The following TDRD3 variants were observed in gnomAD, a reference collection of about 807,000 sequenced individuals.
TDRD3 encodes the protein tudor domain-containing protein 3.
TDRD3 carries 45 observed loss-of-function variants against 86.7 expected under a neutral mutation model. The ratio of observed to expected loss-of-function variants is 0.52; its 90% CI spans 0.41 to 0.67. TDRD3 has a LOEUF of 0.67. Among genes scored for constraint, TDRD3 ranks in the 30% least tolerant of loss-of-function variants. The pLI is 0.00. For synonymous variants in TDRD3, 298 were observed against 301.7 expected (o/e 0.99, Z 0.13); for missense variants, 814 against 889.0 (o/e 0.92, Z 1.07).
intron 1 of TDRD3, among the ~76,000 whole-genome samples, chr13:60,430,408 T>C (rs1954924638): frequency 6.6e-6 from 1 of 152,142 alleles, no homozygotes; most frequent in Non-Finnish European, 1.5e-5. Context: ...TATGGTTTTA[T>C]AGCCACTACC....
intron 3 of TDRD3, among the ~76,000 whole-genome samples, chr13:60,450,665 G>A (rs918892294): frequency 2.6e-5 from 4 of 152,142 alleles, no homozygotes; most frequent in African/African-American, 9.7e-5. Flanking sequence ...GTCTGAATGT[G>A]TATTTGTGCC....
chr13:60,431,829 T>G (rs1225112585), intron 1 of TDRD3, among the ~76,000 whole-genome samples: 1 of 151,844 alleles, frequency 6.6e-6, no homozygotes, highest in Non-Finnish European at 1.5e-5. Context: ...AAATAAATCT[T>G]ATATTGAAAG....
chr13:60,487,685 C>T (rs1956476861), intron 7 of TDRD3, among the ~76,000 whole-genome samples: 1 of 152,092 alleles, frequency 6.6e-6, no homozygotes, highest in East Asian at 1.9e-4. Context: ...ATGGTGGGCA[C>T]TTAGGTTGAT....
At chr13:60,516,750 C>G (rs928424319) in intron 10 of TDRD3, among the ~76,000 whole-genome samples, 3 of 152,170 alleles carry the variant, frequency 2.0e-5, no homozygotes, top group Admixed American at 6.6e-5. Flanking sequence ...GCAGCAGATG[C>G]AACAGCATCC....
Position 60,460,509 on chromosome 13 carries a change from G to A in TDRD3, c.322G>A (p.Ala108Thr). ...QMTDGHISCT[A>T]VEFSYMSKIS... ...GACTGATGGTCATATAAGTTGCACAGCAGTAGAATTTAGTTATATGTCAAA... is the reference window on the plus strand; with the variant it reads ...GACTGATGGTCATATAAGTTGCACAACAGTAGAATTTAGTTATATGTCAAA... The change falls in exon 4 of 14, where the codon GCA becomes ACA. Residue 108 changes from alanine to threonine, a missense_variant. By Grantham distance (58) the Ala-to-Thr change is moderately conservative. Transcript: ENST00000377881. 6.4e-7 allele frequency: 1 copy of A among 1,566,328 alleles called. No individual in the cohort carries two copies. Among genetic ancestry groups the A allele is most frequent in the South Asian group, 1.2e-5 (1 of 82,094 alleles).
chr13:60,406,052 T>C (rs1034259574), intron 1 of TDRD3, among the ~76,000 whole-genome samples: 1 of 152,182 alleles, frequency 6.6e-6, no homozygotes. Flanking sequence ...GACGGTCGCA[T>C]TTTTGGGGGT....
intron 12 of TDRD3, among the ~76,000 whole-genome samples, chr13:60,554,976 A>C (rs2137920849): frequency 6.6e-6 from 1 of 152,284 alleles, no homozygotes; most frequent in Middle Eastern, 3.4e-3. Context: ...TAGTAGTCCT[A>C]GTTGAATCAG....
intron 12 of TDRD3, among the ~76,000 whole-genome samples, chr13:60,554,492 T>C (rs1273785588): frequency 6.6e-6 from 1 of 152,164 alleles, no homozygotes; most frequent in Non-Finnish European, 1.5e-5. Context: ...GAGGATCTAT[T>C]TGCTCTACTT....
intron 1 of TDRD3, among the ~76,000 whole-genome samples, chr13:60,426,218 T>C (rs1954802678): frequency 6.6e-6 from 1 of 152,004 alleles, no homozygotes; most frequent in African/African-American, 2.4e-5. Flanking sequence ...TGCAATATTA[T>C]AAACCAAAAA....
chr13:60,543,198 TAATG>T (rs1957856647), intron 12 of TDRD3, among the ~76,000 whole-genome samples: 1 of 152,184 alleles, frequency 6.6e-6, no homozygotes, highest in South Asian at 2.1e-4. Context: ...AGAGTAAACA[TAATG>T]AAGAGGTTCT....
At chr13:60,466,768 A>G (rs1471306904) in intron 4 of TDRD3, among the ~76,000 whole-genome samples, 1 of 151,204 alleles carries the variant, frequency 6.6e-6, no homozygotes, top group East Asian at 1.9e-4. Context: ...GCACTTGAGG[A>G]GCTTGGGTGA....
chr13:60,432,361 T>C (rs569807245), intron 1 of TDRD3, among the ~76,000 whole-genome samples: 6 of 152,260 alleles, frequency 3.9e-5, no homozygotes, highest in African/African-American at 1.2e-4. Context: ...GTGCCCCAAT[T>C]CTTACTAGCA....
At chr13:60,514,679 A>T (rs1349870988) in intron 10 of TDRD3, among the ~76,000 whole-genome samples, 1 of 152,172 alleles carries the variant, frequency 6.6e-6, no homozygotes, top group Non-Finnish European at 1.5e-5. Flanking sequence ...AATGTATGGT[A>T]GAGGTAGTGC....
rs919540338 is a variant in TDRD3, at chr13:60,397,974, C to T, written c.41+569C>T. 2.6e-5 allele frequency among the ~76,000 whole-genome samples: 4 copies of T among 152,334 alleles called. No individual in the cohort carries two copies. In the South Asian group the frequency reaches 6.2e-4, roughly 24 times the overall value. ...CAGTGTGAATCTGCCTTCCGCGGCACACACACAACTTCTGGAGCTAAGAAT... is the reference window on the plus strand; with the variant it reads ...CAGTGTGAATCTGCCTTCCGCGGCATACACACAACTTCTGGAGCTAAGAAT... On this transcript the variant is annotated intron_variant, in intron 1 of 13. Coordinates refer to ENST00000377881, the MANE Select transcript of TDRD3 (RefSeq NM_001146070.2).
At chr13:60,453,590 C>T (rs929671149) in intron 3 of TDRD3, among the ~76,000 whole-genome samples, 12 of 152,046 alleles carry the variant, frequency 7.9e-5, no homozygotes, top group African/African-American at 2.9e-4. Flanking sequence ...AATGTTTAAC[C>T]GAGGTTCTTG....
intron 11 of TDRD3, among the ~76,000 whole-genome samples, chr13:60,529,418 G>A (rs373928338): frequency 2.0e-4 from 31 of 152,218 alleles, no homozygotes; most frequent in South Asian, 4.1e-4. Context: ...AATCTGTCCC[G>A]TAAGATTTGG....
At chr13:60,467,556 T>C (rs894235016) in intron 5 of TDRD3, among the ~76,000 whole-genome samples, 177 bp downstream of exon 5, 2 of 152,244 alleles carry the variant, frequency 1.3e-5, no homozygotes, top group South Asian at 2.1e-4. Context: ...AAAGTAGATA[T>C]ACTTTTTCAG....
intron 1 of TDRD3, among the ~76,000 whole-genome samples, chr13:60,432,056 A>G (rs1411976587): frequency 6.6e-6 from 1 of 152,070 alleles, no homozygotes; most frequent in Non-Finnish European, 1.5e-5. Flanking sequence ...AAGAAAAGAA[A>G]ATGTGGTAAT....
intron 7 of TDRD3, among the ~76,000 whole-genome samples, chr13:60,490,844 G>T (rs1003341654): frequency 6.6e-6 from 1 of 152,100 alleles, no homozygotes; most frequent in African/African-American, 2.4e-5. Context: ...CTAGCCAGGC[G>T]CAGTGGCTCA....
Sources: allele counts gnomAD v4.1 joint callset (sites outside exome capture counted in the v4.1 genomes callset), GRCh38; gene constraint gnomAD v4.1.1; transcripts MANE v1.5; gene names NCBI Gene and HGNC (gene_info 2026-07-23, HGNC 2026-07-21).